C1orf21: variants seen among roughly 807,000 people sequenced by gnomAD.
The protein encoded by C1orf21 is uncharacterized protein C1orf21.
C1orf21 carries 3 observed loss-of-function variants against 18.7 expected under a neutral mutation model. That is an observed-to-expected ratio of 0.16 (90% CI 0.07 to 0.42). The LOEUF is 0.42. Among genes scored for constraint, C1orf21 ranks in the 10% least tolerant of loss-of-function variants. C1orf21 has a pLI of 0.99. For missense variants in C1orf21, 104 were observed against 143.6 expected, an observed-to-expected ratio of 0.72 and a Z score of 1.41; for synonymous variants, 41 against 46.4, an observed-to-expected ratio of 0.88 and a Z score of 0.47.
At chr1:184,546,122 A>G (rs374342382) in intron 3 of C1orf21, 1 of 152,190 alleles carries the variant, frequency 6.6e-6, no homozygotes, top group East Asian at 1.9e-4. Flanking sequence ...TTTCTTCTTA[A>G]TTAATTCACT....
intron 1 of C1orf21, among the ~76,000 whole-genome samples, chr1:184,405,757 G>C (rs1055691846): frequency 2.6e-5 from 4 of 152,314 alleles, no homozygotes; most frequent in African/African-American, 7.2e-5. Flanking sequence ...TGCTCCTCTA[G>C]CTTTGGAGAT....
intron 3 of C1orf21, among the ~76,000 whole-genome samples, chr1:184,581,455 G>A (rs1659275810): frequency 6.6e-6 from 1 of 151,804 alleles, no homozygotes; most frequent in African/African-American, 2.4e-5. Flanking sequence ...TTAATACTGG[G>A]GGTCATTTTT....
intron 1 of C1orf21, among the ~76,000 whole-genome samples, chr1:184,472,656 G>A (rs531744440): frequency 3.3e-5 from 5 of 151,622 alleles, no homozygotes; most frequent in African/African-American, 1.2e-4. Context: ...ATAAAAGTAG[G>A]ATTTTTTTTA....
At chr1:184,413,396 A>G (rs1443548324) in intron 1 of C1orf21, among the ~76,000 whole-genome samples, 1 of 152,260 alleles carries the variant, frequency 6.6e-6, no homozygotes, top group Admixed American at 6.5e-5. Flanking sequence ...AAAATCTCAT[A>G]GTATTAAGGA....
At chr1:184,460,501 A>T (rs1299469570) in intron 1 of C1orf21, among the ~76,000 whole-genome samples, 1 of 148,686 alleles carries the variant, frequency 6.7e-6, no homozygotes, top group Non-Finnish European at 1.5e-5. Flanking sequence ...CAGAGGGAAT[A>T]AAAATGGGGT....
At chr1:184,616,670 A>C (rs935190565) in intron 5 of C1orf21, among the ~76,000 whole-genome samples, 16 of 151,862 alleles carry the variant, frequency 1.1e-4, no homozygotes, top group South Asian at 4.2e-4. Flanking sequence ...ATGTGTGTGC[A>C]TGTGTGCACG....
chr1:184,427,790 CTGTT>C (rs955371708), intron 1 of C1orf21, among the ~76,000 whole-genome samples: 3 of 152,104 alleles, frequency 2.0e-5, no homozygotes, highest in Admixed American at 1.3e-4. Context: ...TTGGAAAAAT[CTGTT>C]TGGTTATCTT....
At chr1:184,569,371 A>G (rs965319135) in intron 3 of C1orf21, among the ~76,000 whole-genome samples, 18 of 152,084 alleles carry the variant, frequency 1.2e-4, no homozygotes, top group African/African-American at 4.1e-4. Context: ...AAGTGTGCAC[A>G]TTTTCCAGAG....
chr1:184,397,864 C>T (rs61496916), intron 1 of C1orf21, among the ~76,000 whole-genome samples: 1 of 152,162 alleles, frequency 6.6e-6, no homozygotes, highest in East Asian at 1.9e-4. Flanking sequence ...TACATCCTAC[C>T]AGATGAATAG....
At chr1:184,451,048 T>C (rs1251238723) in intron 1 of C1orf21, among the ~76,000 whole-genome samples, 2 of 152,174 alleles carry the variant, frequency 1.3e-5, no homozygotes, top group Admixed American at 6.5e-5. Context: ...CAGCTAATTT[T>C]TGTATTTTTA....
chr1:184,553,044 A>C (rs886481574), intron 3 of C1orf21, among the ~76,000 whole-genome samples: 1 of 152,208 alleles, frequency 6.6e-6, no homozygotes, highest in Non-Finnish European at 1.5e-5. Context: ...CCTGGTGGTC[A>C]TAATAGGTGC....
chr1:184,596,259 A>G (rs1237901929), intron 4 of C1orf21, among the ~76,000 whole-genome samples: 2 of 152,214 alleles, frequency 1.3e-5, no homozygotes, highest in African/African-American at 4.8e-5. Context: ...AAGGGACATC[A>G]GTGACCAGCC....
intron 1 of C1orf21, among the ~76,000 whole-genome samples, chr1:184,468,080 G>A (rs1334168193): frequency 1.3e-5 from 2 of 152,018 alleles, no homozygotes; most frequent in African/African-American, 4.8e-5. Flanking sequence ...ATGAGACAAA[G>A]TCCTTCCCCC....
At chr1:184,438,297 T>G (rs1656889505) in intron 1 of C1orf21, among the ~76,000 whole-genome samples, 1 of 152,226 alleles carries the variant, frequency 6.6e-6, no homozygotes, top group Admixed American at 6.5e-5. Context: ...GAGAAAAATT[T>G]TCATTCTCCA....
chr1:184,609,281 A>C (rs1659693579), intron 5 of C1orf21, among the ~76,000 whole-genome samples: 1 of 152,050 alleles, frequency 6.6e-6, no homozygotes. Context: ...CAAGTTCTCT[A>C]ATCCAGCAAG....
At chr1:184,526,781 A>C (rs1658383601) in intron 3 of C1orf21, among the ~76,000 whole-genome samples, 1 of 152,160 alleles carries the variant, frequency 6.6e-6, no homozygotes, top group African/African-American at 2.4e-5. Context: ...GAGGGAAAGA[A>C]AAGGTCTCAA....
chr1:184,517,012 T>C (rs1240351609), intron 3 of C1orf21, among the ~76,000 whole-genome samples: 2 of 152,236 alleles, frequency 1.3e-5, no homozygotes, highest in Non-Finnish European at 2.9e-5. Flanking sequence ...GGCTTGTGTT[T>C]TCCGAAGCAT....
chr1:184,425,267 CT>C lies in C1orf21; in HGVS notation c.-125+37913del, dbSNP rs34302683. Reference sequence around the variant, plus strand: ...AGCAAATTGATGATAATCCTGATATCTTTTTTTTTTTTTTCCTTGAGACAAG... The same window carrying C: ...AGCAAATTGATGATAATCCTGATATCTTTTTTTTTTTTTCCTTGAGACAAG... On this transcript the variant is annotated intron_variant, in intron 1 of 5. Coordinates refer to ENST00000235307, the MANE Select transcript of C1orf21 (RefSeq NM_030806.4). Among the ~76,000 whole-genome samples the C allele has an allele frequency of 6.2e-3, 893 of 144,068 alleles. 4 individuals carry two copies. Among genetic ancestry groups the C allele is most frequent in the South Asian group, 0.013 (60 of 4,478 alleles). The allele number at this position is 144,068 out of a possible 152,430, so 94.5% of individuals were successfully genotyped here. A position where few individuals can be genotyped will look rare whatever the true frequency, so the allele number is the denominator to read the frequency against.
At chr1:184,517,002 G>A (rs12091430) in intron 3 of C1orf21, among the ~76,000 whole-genome samples, 3 of 152,188 alleles carry the variant, frequency 2.0e-5, no homozygotes, top group Non-Finnish European at 2.9e-5. Context: ...CCTGTAAGGG[G>A]GCTTGTGTTT....
Sources: gnomAD v4.1 joint callset for allele counts (sites outside exome capture counted in the v4.1 genomes callset) on GRCh38, gnomAD v4.1.1 for gene constraint, MANE v1.5 for transcripts, NCBI Gene and HGNC (gene_info 2026-07-23, HGNC 2026-07-21) for gene names.